BOD1: variants seen among roughly 807,000 people sequenced by gnomAD.
BOD1 encodes biorientation of chromosomes in cell division protein 1.
Under a neutral mutation model 15.7 loss-of-function variants are expected in BOD1, and 11 were observed. The observed-to-expected ratio is 0.70, with a 90% confidence interval of 0.44 to 1.16. The LOEUF (loss-of-function observed/expected upper bound fraction) is 1.16. Among genes scored for constraint, BOD1 ranks in the 50% most tolerant of loss-of-function variants. The pLI, the probability that BOD1 is intolerant of heterozygous loss-of-function variation, is 0.00. For synonymous variants in BOD1, 105 were observed against 103.5 expected (o/e 1.01, Z -0.09); for missense variants, 182 against 244.5 (o/e 0.74, Z 1.70).
intron 3 of BOD1, among the ~76,000 whole-genome samples, chr5:173,608,804 T>C (rs1296533988): frequency 6.6e-6 from 1 of 152,248 alleles, no homozygotes; most frequent in East Asian, 1.9e-4. Flanking sequence ...TCTAAATTCA[T>C]GGAAATCGAG....
chr5:173,613,851 C>T lies in BOD1; in HGVS notation c.238-596G>A, dbSNP rs1184919347. 2.0e-5 allele frequency among the ~76,000 whole-genome samples: 3 copies of T among 152,202 alleles called. No homozygotes were observed. The South Asian group carries it at 6.2e-4, about 31-fold the overall frequency. ...GGCAGAGGAGTAAAATTCACAGATACCATGTGCTATCTGCCTAGTAACGCC... is the reference window on the plus strand; with the variant it reads ...GGCAGAGGAGTAAAATTCACAGATATCATGTGCTATCTGCCTAGTAACGCC... On this transcript the variant is annotated intron_variant, in intron 1 of 3. Transcript: ENST00000311086.
rs1396557963 is a variant in BOD1, at chr5:173,608,232, C to CT, written c.*61dup. On this transcript the variant is annotated 3_prime_UTR_variant, in exon 4 of 4. Coordinates refer to ENST00000311086, the MANE Select transcript of BOD1 (RefSeq NM_138369.3). Reference sequence around the variant, plus strand: ...CCTATCTTCAGTCTGAAGTTGCACTCTTATGTAACCGAATCCATTTCTTCA... The same window carrying CT: ...CCTATCTTCAGTCTGAAGTTGCACTCTTTATGTAACCGAATCCATTTCTTCA... 1.2e-6 allele frequency: 2 copies of CT among 1,604,786 alleles called. No individual in the cohort carries two copies. The highest frequency in any genetic ancestry group is 2.7e-5 in the African/African-American group (2 of 74,850).
intron 2 of BOD1, among the ~76,000 whole-genome samples, chr5:173,610,093 A>G (rs936319325): frequency 6.6e-6 from 1 of 152,242 alleles, no homozygotes; most frequent in Non-Finnish European, 1.5e-5. Context: ...AAATCAGGGC[A>G]TATCAATGTC....
At chr5:173,610,970 C>G (rs753043166) in intron 2 of BOD1, among the ~76,000 whole-genome samples, 2 of 152,212 alleles carry the variant, frequency 1.3e-5, no homozygotes, top group Non-Finnish European at 2.9e-5. Context: ...TCCCCTGAAC[C>G]TGACCATGCT....
chr5:173,609,655 C>A, intron 2 of BOD1: 1 of 518,526 alleles, frequency 1.9e-6, no homozygotes, highest in South Asian at 2.8e-5. Context: ...CACAATCTCA[C>A]CCACAATCAC....
At chr5:173,609,003 A>G (rs540844362) in intron 3 of BOD1, among the ~76,000 whole-genome samples, 1 of 152,346 alleles carries the variant, frequency 6.6e-6, no homozygotes, top group South Asian at 2.1e-4. Context: ...TTTCTAATGA[A>G]GCATCTATCC....
In BOD1 at chr5:173,616,594, G is replaced by A; in HGVS notation, c.-158C>T. 3.7e-6 allele frequency: 5 copies of A among 1,354,298 alleles called. No homozygotes were observed. Among genetic ancestry groups the A allele is most frequent in the South Asian group, 1.8e-5 (1 of 56,822 alleles). 83.9% of individuals were successfully genotyped at this position (1,354,298 alleles called of 1,614,324 possible). On this transcript the variant is annotated 5_prime_UTR_variant, in exon 1 of 4. Coordinates refer to ENST00000311086, the MANE Select transcript of BOD1 (RefSeq NM_138369.3). ...TGGCGGCAGGGGCGGTGGTGGGGGCGGCGGCGGCGAAGGCCCCCTCTGATA... is the reference window on the plus strand; with the variant it reads ...TGGCGGCAGGGGCGGTGGTGGGGGCAGCGGCGGCGAAGGCCCCCTCTGATA...
At position 173,607,730 on chromosome 5, in the gene BOD1, G is replaced by C. The variant is rs984333794; in HGVS notation, c.*564C>G. On this transcript the variant is annotated 3_prime_UTR_variant, in exon 4 of 4. Coordinates refer to ENST00000311086, the MANE Select transcript of BOD1 (RefSeq NM_138369.3). ...CATACATTCTAGGATTTCATGTTTC[G>C]TTACAAAGGAAAGGAAACTGGCTAG... The C allele has an allele frequency of 6.5e-6, 1 of 153,108 alleles. No homozygotes were observed. Among genetic ancestry groups the C allele is most frequent in the Admixed American group, 6.5e-5 (1 of 15,424 alleles). The allele number at this position is 153,108 out of a possible 1,614,324, so 9.5% of individuals were successfully genotyped here. A position where few individuals can be genotyped will look rare whatever the true frequency, so the allele number is the denominator to read the frequency against.
At position 173,616,593 on chromosome 5, in the gene BOD1, C is replaced by A. The variant is rs1037696896; in HGVS notation, c.-157G>T. 39 of 1,348,266 alleles carry A rather than the reference C, an allele frequency of 2.9e-5. No homozygotes were observed. Among genetic ancestry groups the A allele is most frequent in the Middle Eastern group, 2.7e-4 (1 of 3,662 alleles). The allele number at this position is 1,348,266 out of a possible 1,614,324, so 83.5% of individuals were successfully genotyped here. On this transcript the variant is annotated 5_prime_UTR_variant, in exon 1 of 4. Transcript: ENST00000311086. ...ATGGCGGCAGGGGCGGTGGTGGGGG[C>A]GGCGGCGGCGAAGGCCCCCTCTGAT...
At chr5:173,611,188 C>G (rs1037608867) in intron 2 of BOD1, among the ~76,000 whole-genome samples, 5 of 152,180 alleles carry the variant, frequency 3.3e-5, no homozygotes, top group African/African-American at 1.2e-4. Context: ...GTCAGGAGCC[C>G]AATGTACAAG....
rs1017014655 is a variant in BOD1 at position 173,616,588 on chromosome 5, G to T, written c.-152C>A. ...TGGCGATGGCGGCAGGGGCGGTGGTGGGGGCGGCGGCGGCGAAGGCCCCCT... is the reference window on the plus strand; with the variant it reads ...TGGCGATGGCGGCAGGGGCGGTGGTTGGGGCGGCGGCGGCGAAGGCCCCCT... On this transcript the variant is annotated 5_prime_UTR_variant, in exon 1 of 4. Coordinates refer to ENST00000311086, the MANE Select transcript of BOD1 (RefSeq NM_138369.3). 4.4e-6 allele frequency: 6 copies of T among 1,359,270 alleles called. No individual in the cohort carries two copies. In the African/African-American group the frequency reaches 6.2e-5, roughly 14 times the overall value. The allele number at this position is 1,359,270 out of a possible 1,614,324, so 84.2% of individuals were successfully genotyped here.
Position 173,607,795 on chromosome 5 carries a change from T to C in BOD1, c.*499A>G, listed in dbSNP as rs1290718012. The C allele has an allele frequency of 6.5e-6, 1 of 154,824 alleles. No individual in the cohort carries two copies. Among genetic ancestry groups the C allele is most frequent in the African/African-American group, 2.4e-5 (1 of 41,516 alleles). The allele number at this position is 154,824 out of a possible 1,614,324, so 9.6% of individuals were successfully genotyped here. The stretch of plus-strand genomic sequence containing the variant: ...AGAAGGTCACAACTTTAAAGCTATC[T>C]GACGCTAATGACTTGTACAATCTGG... On this transcript the variant is annotated 3_prime_UTR_variant, in exon 4 of 4. Coordinates refer to ENST00000311086, the MANE Select transcript of BOD1 (RefSeq NM_138369.3).
At chr5:173,610,551 T>A (rs1193925290) in intron 2 of BOD1, among the ~76,000 whole-genome samples, 6 of 152,184 alleles carry the variant, frequency 3.9e-5, no homozygotes, top group Admixed American at 3.3e-4. Flanking sequence ...AGACCAGGCA[T>A]TAGACAGTAT....
chr5:173,616,365 C>T lies in BOD1; in HGVS notation c.72G>A (p.Gly24=). 6.5e-7 allele frequency: 1 copy of T among 1,528,628 alleles called. No homozygotes were observed. Among genetic ancestry groups the T allele is most frequent in the Non-Finnish European group, 8.7e-7 (1 of 1,144,458 alleles). The allele number at this position is 1,528,628 out of a possible 1,614,324, so 94.7% of individuals were successfully genotyped here. Residue 24 remains glycine, a synonymous_variant, in exon 1 of 4, where the codon GGG becomes GGA. Coordinates refer to ENST00000311086, the MANE Select transcript of BOD1 (RefSeq NM_138369.3). The stretch of plus-strand genomic sequence containing the variant: ...TGGCCCCAGTAGCGCCAGTCGCTGC[C>T]CCGGCAGAGGCCTGGCTAGTTCCGC... ...GGGGTSQASA[G]AATGATGASG...
At chr5:173,614,798 C>G (rs370538) in intron 1 of BOD1, 56,029 of 152,288 alleles carry the variant, frequency 0.37, 11,283 homozygotes, top group East Asian at 0.71. Flanking sequence ...CCCCTCCCCC[C>G]TCAGGGGATA....
At chr5:173,609,913 C>T (rs1371322961) in intron 2 of BOD1, among the ~76,000 whole-genome samples, 1 of 152,208 alleles carries the variant, frequency 6.6e-6, no homozygotes, top group Non-Finnish European at 1.5e-5. Flanking sequence ...GCCGATCAGT[C>T]AGGGCTGGGA....
At position 173,616,599 on chromosome 5, in the gene BOD1, C is replaced by CGGCGAA. The variant is rs555081780; in HGVS notation, c.-169_-164dup. 2.3e-3 allele frequency: 3,062 copies of CGGCGAA among 1,349,910 alleles called. 58 individuals carry two copies. In the African/African-American group the frequency reaches 0.041, roughly 18 times the overall value. 83.6% of individuals were successfully genotyped at this position (1,349,910 alleles called of 1,614,324 possible). ...GCAGGGGCGGTGGTGGGGGCGGCGG[C>CGGCGAA]GGCGAAGGCCCCCTCTGATACAGCA... On this transcript the variant is annotated 5_prime_UTR_variant, in exon 1 of 4. Transcript: ENST00000311086.
chr5:173,616,010 A>G (rs1349210563), intron 1 of BOD1, among the ~76,000 whole-genome samples, 190 bp downstream of exon 1: 1 of 152,218 alleles, frequency 6.6e-6, no homozygotes, highest in African/African-American at 2.4e-5. Flanking sequence ...ACTAGTAGTA[A>G]ATGTATCAGG....
chr5:173,616,142 G>C lies in BOD1; in HGVS notation c.237+58C>G, dbSNP rs1755489951. 3 of 1,541,032 alleles carry C rather than the reference G, an allele frequency of 1.9e-6. No individual in the cohort carries two copies. In the Admixed American group the frequency reaches 5.9e-5, roughly 30 times the overall value. The stretch of plus-strand genomic sequence containing the variant: ...CTCTCGGCTTTCGAAAATCAAAGCT[G>C]CCACCCGGCGGCCTCACGTGCAGCC... On this transcript the variant is annotated intron_variant, in intron 1 of 3. Transcript: ENST00000311086.
Sources: gnomAD v4.1 joint callset for allele counts (sites outside exome capture counted in the v4.1 genomes callset) on GRCh38, gnomAD v4.1.1 for gene constraint, MANE v1.5 for transcripts, NCBI Gene and HGNC (gene_info 2026-07-23, HGNC 2026-07-21) for gene names.